MYO18B: variants seen among roughly 807,000 people sequenced by gnomAD.
MYO18B encodes myosin XVIIIB, also known as unconventional myosin-XVIIIb.
MYO18B carries 204 observed loss-of-function variants against 273.0 expected under a neutral mutation model. The observed-to-expected ratio is 0.75, with a 90% CI of 0.67 to 0.84. MYO18B has a LOEUF of 0.84. MYO18B is among the 40% of genes least tolerant of loss of function. MYO18B has a pLI of 0.00. For missense variants in MYO18B, 3,212 were observed against 3,287.6 expected, an observed-to-expected ratio of 0.98 and a Z score of 0.56; for synonymous variants, 1,330 against 1,305.7, an observed-to-expected ratio of 1.02 and a Z score of -0.40.
At position 25,942,444 on chromosome 22, in the gene MYO18B, C is replaced by T. The variant is rs955792099; in HGVS notation, c.5518-3693C>T. Among the ~76,000 whole-genome samples the T allele has an allele frequency of 2.6e-5, 4 of 152,232 alleles. No individual in the cohort carries two copies. The East Asian group carries it at 7.7e-4, about 29-fold the overall frequency. On this transcript the variant is annotated intron_variant, in intron 34 of 43. Transcript: ENST00000335473. The stretch of plus-strand genomic sequence containing the variant: ...TAGCACGAAACCACTGAGCTGTTTT[C>T]TCTGCAACAGAGCTCTCTCTTTATT...
intron 12 of MYO18B, among the ~76,000 whole-genome samples, chr22:25,803,262 T>C (rs1601743228): frequency 1.3e-5 from 2 of 152,204 alleles, no homozygotes; most frequent in Non-Finnish European, 2.9e-5. Context: ...CACGCCTGGC[T>C]GTGACTAGCT....
At position 25,763,293 on chromosome 22, in the gene MYO18B, A is replaced by C. The variant is rs748465577; in HGVS notation, c.102A>C (p.Pro34=). The C allele has an allele frequency of 3.0e-5, 49 of 1,613,002 alleles. No homozygotes were observed. Among genetic ancestry groups the C allele is most frequent in the Non-Finnish European group, 4.1e-5 (48 of 1,179,598 alleles). The part of the protein sequence containing the change: ...SSPPPLFSVI[P]GGFIKQLVRG... ...CCCCTCCTCTTTTCTCTGTCATCCC[A>C]GGGGGCTTCATTAAGCAACTGGTCC... is the stretch of plus-strand genomic sequence containing the variant. The change falls in exon 3 of 44, where the codon CCA becomes CCC. Residue 34 remains proline, a synonymous_variant. Coordinates refer to ENST00000335473, the MANE Select transcript of MYO18B (RefSeq NM_032608.7).
chr22:25,784,312 G>C (rs1454136135), intron 10 of MYO18B, among the ~76,000 whole-genome samples: 3 of 152,230 alleles, frequency 2.0e-5, no homozygotes, highest in Admixed American at 6.5e-5. Context: ...GAATGGAAGA[G>C]AGTGTGAGGA....
chr22:25,772,431 C>T lies in MYO18B; in HGVS notation c.1790C>T (p.Ala597Val). 1.9e-6 allele frequency: 3 copies of T among 1,614,050 alleles called. No individual in the cohort carries two copies. Among genetic ancestry groups the T allele is most frequent in the Non-Finnish European group, 2.5e-6 (3 of 1,179,908 alleles). ...AACACGCTTCTGCAGCGCTACAAAG[C>T]TCAGCTGCTGCACACCTGCACAGGG... ...VLNTLLQRYK[A>V]QLLHTCTGPD... is the part of the protein sequence containing the mutation. The change falls in exon 7 of 44, where the codon GCT becomes GTT. Residue 597 changes from alanine to valine, a missense_variant. By Grantham distance (64) the Ala-to-Val change is moderately conservative. Coordinates refer to ENST00000335473, the MANE Select transcript of MYO18B (RefSeq NM_032608.7).
At chr22:25,892,146 G>A (rs2091678213) in intron 27 of MYO18B, 1 of 152,386 alleles carries the variant, frequency 6.6e-6, no homozygotes, top group East Asian at 1.9e-4. Context: ...TCTTTCAAAT[G>A]GAGATTGTCT....
chr22:25,765,839 G>A (rs1366452975), intron 3 of MYO18B, among the ~76,000 whole-genome samples: 1 of 152,168 alleles, frequency 6.6e-6, no homozygotes, highest in Non-Finnish European at 1.5e-5. Flanking sequence ...CCTCTGTGGT[G>A]GTTGGTTAAA....
At chr22:25,836,027 G>A (rs928268035) in intron 17 of MYO18B, among the ~76,000 whole-genome samples, 1 of 152,206 alleles carries the variant, frequency 6.6e-6, no homozygotes, top group Admixed American at 6.5e-5. Context: ...AGGTGGTCAG[G>A]GTGAGAGAGG....
intron 12 of MYO18B, among the ~76,000 whole-genome samples, chr22:25,801,394 T>C (rs558181490): frequency 8.5e-5 from 13 of 152,330 alleles, no homozygotes; most frequent in African/African-American, 2.9e-4. Context: ...ATGTGCTAAC[T>C]TAATGGGCAA....
At chr22:26,056,953 A>C in the MYO18B span, among the ~76,000 whole-genome samples, 1 of 152,236 alleles carries the variant, frequency 6.6e-6, no homozygotes, top group East Asian at 1.9e-4. Context: ...CTGTACACTG[A>C]GTCACAGAAT....
chr22:25,930,031 G>A (rs2092475594), intron 34 of MYO18B, among the ~76,000 whole-genome samples: 1 of 152,132 alleles, frequency 6.6e-6, no homozygotes, highest in Non-Finnish European at 1.5e-5. Context: ...CCGAAGCTTA[G>A]GATGGCTTGG....
Position 25,952,356 on chromosome 22 carries a change from A to AGGAGGCGGTCATCTGT in MYO18B, c.5905_5920dup (p.Asp1974GlyfsTer6), listed in dbSNP as rs2092802754. On this transcript the variant is annotated frameshift_variant, in exon 38 of 44. Transcript: ENST00000335473. LOFTEE classifies it high-confidence loss of function. ...GTGGATCGAGCCATCGTCAGCAGGCAGGAGGCGGTCATCTGTGACCTAGAG... is the reference window on the plus strand; with the variant it reads ...GTGGATCGAGCCATCGTCAGCAGGCAGGAGGCGGTCATCTGTGGAGGCGGTCATCTGTGACCTAGAG... The AGGAGGCGGTCATCTGT allele has an allele frequency of 6.2e-7, 1 of 1,612,664 alleles. No homozygotes were observed. The highest frequency in any genetic ancestry group is 1.7e-5 in the Admixed American group (1 of 59,856).
At chr22:25,999,632 C>CCTTT (rs1241988477) in intron 40 of MYO18B, among the ~76,000 whole-genome samples, 4 of 124,338 alleles carry the variant, frequency 3.2e-5, no homozygotes, top group African/African-American at 1.3e-4. Context: ...TCCTCCTCCT[C>CCTTT]CTCCTCCTTT....
intron 1 of MYO18B, among the ~76,000 whole-genome samples, chr22:25,749,477 AGG>A (rs2085874607): frequency 1.3e-5 from 2 of 152,178 alleles, no homozygotes; most frequent in African/African-American, 4.8e-5. Flanking sequence ...ATACAGAGAG[AGG>A]TGGGTAGAGT....
In MYO18B at chr22:25,823,566, C is replaced by A. The variant is rs567970076; in HGVS notation, c.2583C>A (p.Cys861Ter). 3.7e-6 allele frequency: 6 copies of A among 1,613,924 alleles called. No individual in the cohort carries two copies. In the African/African-American group the frequency reaches 5.3e-5, roughly 14 times the overall value. The change falls in exon 13 of 44, where the codon TGC (cysteine) becomes TGA (stop). Residue 861 changes from cysteine to a stop codon, truncating the protein, a stop_gained. Coordinates refer to ENST00000335473, the MANE Select transcript of MYO18B (RefSeq NM_032608.7). LOFTEE classifies it high-confidence loss of function. ...ACTACGCAGCTGAGGCCCTGGGCTGCGAGTATGAGGAGCTGAACACGGCCA... is the reference window on the plus strand; with the variant it reads ...ACTACGCAGCTGAGGCCCTGGGCTGAGAGTATGAGGAGCTGAACACGGCCA... The part of the protein sequence containing the change: ...WANYAAEALG[C>*]EYEELNTATF...
chr22:25,763,477 G>C, intron 3 of MYO18B, 88 bp downstream of exon 3: 1 of 1,450,726 alleles, frequency 6.9e-7, no homozygotes, highest in Non-Finnish European at 9.3e-7. Flanking sequence ...TTGTCATCCT[G>C]CCTTTGCTCC....
chr22:25,970,331 C>T (rs1306636159), intron 39 of MYO18B, among the ~76,000 whole-genome samples: 1 of 152,168 alleles, frequency 6.6e-6, no homozygotes, highest in African/African-American at 2.4e-5. Flanking sequence ...TAAGTCTAGG[C>T]CAGTGGTTGA....
chr22:25,898,153 A>AC, intron 28 of MYO18B, 154 bp from the exon 29 acceptor site: 1 of 731,108 alleles, frequency 1.4e-6, no homozygotes, highest in Non-Finnish European at 2.1e-6. Context: ...CCTGGAGGTG[A>AC]CCCTGGAGGA....
At chr22:25,793,402 T>G (rs954592766) in intron 11 of MYO18B, among the ~76,000 whole-genome samples, 1 of 152,036 alleles carries the variant, frequency 6.6e-6, no homozygotes, top group Admixed American at 6.5e-5. Flanking sequence ...GCCTGGATAA[T>G]TTTTATATAT....
chr22:25,972,225 T>TAC (rs1260766832), intron 39 of MYO18B, among the ~76,000 whole-genome samples: 1 of 152,070 alleles, frequency 6.6e-6, no homozygotes, highest in Non-Finnish European at 1.5e-5. Flanking sequence ...CATATATATA[T>TAC]ACATAGGAAA....
Sources: allele counts gnomAD v4.1 joint callset (sites outside exome capture counted in the v4.1 genomes callset), GRCh38; gene constraint gnomAD v4.1.1; transcripts MANE v1.5; gene names NCBI Gene and HGNC (gene_info 2026-07-23, HGNC 2026-07-21).